NCAM2: variants seen among roughly 807,000 people sequenced by gnomAD.
The protein encoded by NCAM2 is N-CAM-2.
NCAM2 carries 30 observed loss-of-function variants against 98.1 expected under a neutral mutation model. The observed-to-expected ratio is 0.31, with a 90% CI of 0.23 to 0.41. The LOEUF (loss-of-function observed/expected upper bound fraction) is 0.41. NCAM2 is among the 10% of genes least tolerant of loss of function. The pLI, the probability that NCAM2 is intolerant of heterozygous loss-of-function variation, is 1.00. For missense variants in NCAM2, 867 were observed against 1,005.8 expected, an observed-to-expected ratio of 0.86 and a Z score of 1.87; for synonymous variants, 368 against 342.4, an observed-to-expected ratio of 1.07 and a Z score of -0.83.
chr21:21,226,255 TC>T (rs1324722255), intron 1 of NCAM2, among the ~76,000 whole-genome samples: 3 of 151,780 alleles, frequency 2.0e-5, no homozygotes, highest in African/African-American at 7.3e-5. Context: ...AACCTCAGCA[TC>T]CTACAAAATA....
chr21:21,289,246 G>T (rs1378604969), intron 4 of NCAM2, among the ~76,000 whole-genome samples: 1 of 151,852 alleles, frequency 6.6e-6, no homozygotes, highest in Non-Finnish European at 1.5e-5. Context: ...GGAATACACA[G>T]GATCTATGCT....
chr21:21,254,730 A>C (rs2071599755), intron 1 of NCAM2, among the ~76,000 whole-genome samples: 1 of 152,182 alleles, frequency 6.6e-6, no homozygotes, highest in Non-Finnish European at 1.5e-5. Flanking sequence ...TAAAGCAGGA[A>C]AAAATATGCA....
intron 16 of NCAM2, among the ~76,000 whole-genome samples, chr21:21,510,567 A>G (rs1364790643): frequency 1.4e-5 from 2 of 145,206 alleles, no homozygotes; most frequent in African/African-American, 5.1e-5. Context: ...CATCTGTTGA[A>G]GCGTGGAAGG....
intron 14 of NCAM2, among the ~76,000 whole-genome samples, chr21:21,474,471 A>T (rs1024520445): frequency 6.6e-6 from 1 of 152,114 alleles, no homozygotes; most frequent in Non-Finnish European, 1.5e-5. Context: ...TACCTGAAGG[A>T]CATGACATCT....
intron 1 of NCAM2, among the ~76,000 whole-genome samples, chr21:21,024,686 G>A (rs1416541304): frequency 1.3e-5 from 2 of 152,086 alleles, no homozygotes; most frequent in East Asian, 3.9e-4. Flanking sequence ...GACCAGCCTG[G>A]CCAACATGGC....
intron 15 of NCAM2, among the ~76,000 whole-genome samples, chr21:21,507,604 T>C (rs1016707636): frequency 3.3e-5 from 5 of 151,848 alleles, no homozygotes; most frequent in Admixed American, 6.6e-5. Flanking sequence ...CCATCCTGGC[T>C]AACACGGTGA....
chr21:21,178,688 TATTAA>T, intron 1 of NCAM2, among the ~76,000 whole-genome samples: 1 of 152,050 alleles, frequency 6.6e-6, no homozygotes, highest in African/African-American at 2.4e-5. Context: ...CCTTTACCTA[TATTAA>T]ATTATATAAG....
intron 12 of NCAM2, among the ~76,000 whole-genome samples, chr21:21,447,580 A>G (rs1980377962): frequency 6.6e-6 from 1 of 152,190 alleles, no homozygotes; most frequent in South Asian, 2.1e-4. Context: ...TGCACAGCAA[A>G]ATAAACTATC....
At chr21:21,297,074 A>G (rs1229817615) in intron 5 of NCAM2, among the ~76,000 whole-genome samples, 2 of 151,768 alleles carry the variant, frequency 1.3e-5, no homozygotes, top group African/African-American at 4.8e-5. Flanking sequence ...GGACTTAGCT[A>G]TTAAATGGGG....
At chr21:21,229,251 C>A (rs2070518715) in intron 1 of NCAM2, among the ~76,000 whole-genome samples, 1 of 151,336 alleles carries the variant, frequency 6.6e-6, no homozygotes, top group Non-Finnish European at 1.5e-5. Context: ...ATCTTAATAA[C>A]CTATGTTTGA....
At chr21:21,135,939 T>TA (rs11377639) in intron 1 of NCAM2, among the ~76,000 whole-genome samples, 64,184 of 151,758 alleles carry the variant, frequency 0.42, 14,114 homozygotes, top group African/African-American at 0.55. Flanking sequence ...CCCATGTATT[T>TA]AAAAAAAATT....
intron 1 of NCAM2, among the ~76,000 whole-genome samples, chr21:21,024,867 A>G (rs562377963): frequency 1.3e-5 from 2 of 151,846 alleles, no homozygotes; most frequent in South Asian, 4.2e-4. Flanking sequence ...AGCCTGGGCC[A>G]GAGAGGGTGA....
chr21:21,096,467 G>C (rs946874065), intron 1 of NCAM2, among the ~76,000 whole-genome samples: 14 of 151,560 alleles, frequency 9.2e-5, no homozygotes, highest in African/African-American at 3.4e-4. Flanking sequence ...ATTCCTCTTA[G>C]AAATGTGTAG....
chr21:21,217,114 G>C (rs2069935452), intron 1 of NCAM2, among the ~76,000 whole-genome samples: 1 of 152,056 alleles, frequency 6.6e-6, no homozygotes, highest in African/African-American at 2.4e-5. Context: ...TTTTTCTCTG[G>C]GTAGAAAATC....
rs186812877 is a variant in NCAM2 at position 21,220,491 on chromosome 21, G to C, written c.56-60087G>C. 1.6e-3 allele frequency among the ~76,000 whole-genome samples: 251 copies of C among 152,180 alleles called. 2 individuals are homozygous for C. The highest frequency in any genetic ancestry group is 5.7e-3 in the African/African-American group (238 of 41,530). ...AGTACACTATAGTGTCTAGGTCTGT[G>C]TAAGCAAATTCTATCATGTCACATA... On this transcript the variant is annotated intron_variant, in intron 1 of 17. Transcript: ENST00000400546.
chr21:21,506,948 G>T (rs555788199), intron 15 of NCAM2, among the ~76,000 whole-genome samples: 1 of 151,842 alleles, frequency 6.6e-6, no homozygotes, highest in Non-Finnish European at 1.5e-5. Flanking sequence ...CTCATTTGCC[G>T]TATCATGATG....
chr21:21,409,073 A>G (rs1288391237), intron 9 of NCAM2, among the ~76,000 whole-genome samples: 2 of 152,126 alleles, frequency 1.3e-5, no homozygotes, highest in Admixed American at 6.5e-5. Context: ...ATTAGTAACA[A>G]TAATCAGCAT....
intron 1 of NCAM2, among the ~76,000 whole-genome samples, chr21:21,071,356 T>C (rs143670598): frequency 2.0e-5 from 3 of 152,270 alleles, no homozygotes; most frequent in Admixed American, 6.5e-5. Flanking sequence ...TATGGGGTTA[T>C]TGATGACCCA....
At chr21:21,302,980 T>C (rs1265533691) in intron 5 of NCAM2, among the ~76,000 whole-genome samples, 1 of 152,102 alleles carries the variant, frequency 6.6e-6, no homozygotes, top group Non-Finnish European at 1.5e-5. Flanking sequence ...ACCATAATCG[T>C]AAGTGATCTA....
Sources: allele counts gnomAD v4.1 joint callset (sites outside exome capture counted in the v4.1 genomes callset), GRCh38; gene constraint gnomAD v4.1.1; transcripts MANE v1.5; gene names NCBI Gene and HGNC (gene_info 2026-07-23, HGNC 2026-07-21).